The following SNRPN variants were observed in gnomAD, a reference collection of about 807,000 sequenced individuals.
The protein encoded by SNRPN is small nuclear ribonucleoprotein polypeptide N, also known as small nuclear ribonucleoprotein-associated protein N.
A neutral mutation model predicts 25.2 loss-of-function variants in SNRPN; 7 were observed. The ratio of observed to expected loss-of-function variants is 0.28; its 90% CI spans 0.16 to 0.52. The LOEUF (loss-of-function observed/expected upper bound fraction) is 0.52. Ranked by LOEUF, SNRPN falls within the 20% of genes least tolerant of loss-of-function variation. The pLI is 0.96. For synonymous variants in SNRPN, 124 were observed against 110.6 expected (o/e 1.12, Z -0.76); for missense variants, 196 against 322.5 (o/e 0.61, Z 3.00).
intron 1 of SNRPN, among the ~76,000 whole-genome samples, chr15:24,868,821 T>C (rs1007288962): frequency 1.3e-5 from 2 of 152,116 alleles, no homozygotes; most frequent in Non-Finnish European, 2.9e-5. Context: ...TAAGAAAAAC[T>C]GAACAATGTA....
At chr15:24,944,271 T>C (rs1200289440) in intron 3 of SNRPN, among the ~76,000 whole-genome samples, 2 of 152,224 alleles carry the variant, frequency 1.3e-5, no homozygotes, top group East Asian at 3.8e-4. Flanking sequence ...GCTGGGTGTT[T>C]GAATCCCTGA....
At chr15:24,956,106 C>T (rs959751692) in intron 1 of SNRPN, among the ~76,000 whole-genome samples, 1 of 152,108 alleles carries the variant, frequency 6.6e-6, no homozygotes, top group African/African-American at 2.4e-5. Flanking sequence ...CTTTAGGAAC[C>T]CTCGCTTTAG....
Position 24,962,194 on chromosome 15 carries a change from C to T in SNRPN, c.-310C>T. The T allele has an allele frequency of 3.7e-6, 6 of 1,613,998 alleles. No individual in the cohort carries two copies. Among genetic ancestry groups the T allele is most frequent in the South Asian group, 2.2e-5 (2 of 91,086 alleles). Reference sequence around the variant, plus strand: ...CAAGTCAAACGCAGAAGGACTGCCTCACTGAGCAACCAAGAGTGAGTACAG... The same window carrying T: ...CAAGTCAAACGCAGAAGGACTGCCTTACTGAGCAACCAAGAGTGAGTACAG... On this transcript the variant is annotated 5_prime_UTR_variant, in exon 2 of 10. Coordinates refer to ENST00000390687, the MANE Select transcript of SNRPN (RefSeq NM_003097.6).
intron 1 of SNRPN, among the ~76,000 whole-genome samples, chr15:24,877,590 C>T (rs1397347602): frequency 6.6e-6 from 1 of 151,610 alleles, no homozygotes; most frequent in Non-Finnish European, 1.5e-5. Flanking sequence ...TTTGGGAGGC[C>T]AAGGCCGGCG....
intron 2 of SNRPN, among the ~76,000 whole-genome samples, chr15:24,900,797 G>A (rs1847731184): frequency 6.6e-6 from 1 of 152,144 alleles, no homozygotes; most frequent in African/African-American, 2.4e-5. Context: ...TATTACTGGG[G>A]ATTCAAGATT....
chr15:24,849,419 C>A (rs1367125897), intron 2 of SNRPN: 1 of 152,248 alleles, frequency 6.6e-6, no homozygotes, highest in Non-Finnish European at 1.5e-5. Flanking sequence ...CCCTAGGACA[C>A]TGGGAGAATA....
At chr15:24,928,562 A>T (rs1193256838) in intron 3 of SNRPN, among the ~76,000 whole-genome samples, 1 of 149,526 alleles carries the variant, frequency 6.7e-6, no homozygotes, top group East Asian at 2.3e-4. Context: ...AATAATGGTC[A>T]GTATCAAAAA....
chr15:24,858,999 C>G (rs7181554), intron 1 of SNRPN, among the ~76,000 whole-genome samples: 16,973 of 152,044 alleles, frequency 0.11, 1,014 homozygotes, highest in Middle Eastern at 0.18. Context: ...TAGCTCATTG[C>G]AGACACCCCT....
chr15:24,938,559 G>T (rs963745891), intron 3 of SNRPN, among the ~76,000 whole-genome samples: 1 of 152,188 alleles, frequency 6.6e-6, no homozygotes, highest in Non-Finnish European at 1.5e-5. Context: ...ACATGTGTGA[G>T]CCACCATGCC....
chr15:24,882,336 AACT>A (rs1327200381), intron 1 of SNRPN, among the ~76,000 whole-genome samples: 2 of 152,202 alleles, frequency 1.3e-5, no homozygotes, highest in Admixed American at 1.3e-4. Flanking sequence ...GAAGAAAAAA[AACT>A]ACCTAAAGTT....
At chr15:24,932,040 G>T (rs1340198615) in intron 3 of SNRPN, among the ~76,000 whole-genome samples, 6 of 151,858 alleles carry the variant, frequency 4.0e-5, no homozygotes, top group African/African-American at 1.2e-4. Context: ...TATGACCCTC[G>T]CACAGAGGCC....
intron 4 of SNRPN, 56 bp from the exon 5 acceptor site, chr15:24,975,302 A>G (rs1360036966): frequency 2.8e-6 from 4 of 1,444,184 alleles, no homozygotes; most frequent in Non-Finnish European, 3.8e-6. Flanking sequence ...ACAGGAGAAG[A>G]TTAGAAGACT....
At chr15:24,899,108 A>G (rs968025036) in intron 2 of SNRPN, among the ~76,000 whole-genome samples, 5 of 152,214 alleles carry the variant, frequency 3.3e-5, no homozygotes, top group African/African-American at 1.2e-4. Context: ...CCTGGACCCC[A>G]GACACGTTCC....
At chr15:24,892,897 C>G (rs892574200) in intron 2 of SNRPN, among the ~76,000 whole-genome samples, 2 of 151,636 alleles carry the variant, frequency 1.3e-5, no homozygotes, top group Non-Finnish European at 2.9e-5. Flanking sequence ...AAGGAGAGAA[C>G]AGAGAGGACT....
chr15:24,828,482 G>A (rs1179016713), intron 1 of SNRPN, among the ~76,000 whole-genome samples: 1 of 152,098 alleles, frequency 6.6e-6, no homozygotes, highest in Non-Finnish European at 1.5e-5. Flanking sequence ...GGGAGGCGGA[G>A]CTTGCTGTGA....
intron 1 of SNRPN, among the ~76,000 whole-genome samples, chr15:24,885,012 A>G (rs540804754): frequency 1.3e-5 from 2 of 152,344 alleles, no homozygotes; most frequent in South Asian, 2.1e-4. Context: ...TTGTCTATGT[A>G]AAGACTAAAC....
chr15:24,850,241 T>G (rs2052688468), intron 2 of SNRPN: 1 of 152,228 alleles, frequency 6.6e-6, no homozygotes. Flanking sequence ...TAACAACACT[T>G]GACAAAATAA....
At chr15:24,855,827 C>T (rs542165461), upstream of SNRPN, among the ~76,000 whole-genome samples, 1,200 of 143,512 alleles carry the variant, frequency 8.4e-3, 14 homozygotes, top group African/African-American at 0.025. Flanking sequence ...TATTCTACCC[C>T]GGAAGTCATG....
At chr15:24,971,084 C>A (rs891527475) in intron 3 of SNRPN, among the ~76,000 whole-genome samples, 1 of 151,330 alleles carries the variant, frequency 6.6e-6, no homozygotes, top group Non-Finnish European at 1.5e-5. Flanking sequence ...TTTGGCCAAC[C>A]CTAGTCATCT....
Sources: gnomAD v4.1 joint callset for allele counts (sites outside exome capture counted in the v4.1 genomes callset) on GRCh38, gnomAD v4.1.1 for gene constraint, MANE v1.5 for transcripts, NCBI Gene and HGNC (gene_info 2026-07-23, HGNC 2026-07-21) for gene names.